The following ADARB2 variants were observed in gnomAD, a reference collection of about 807,000 sequenced individuals.
ADARB2 encodes adenosine deaminase RNA specific B2 (inactive), also known as inactive double-stranded RNA-specific editase B2.
ADARB2 carries 25 observed loss-of-function variants against 62.2 expected under a neutral mutation model. That is an observed-to-expected ratio of 0.40 (90% confidence interval 0.29 to 0.56). The LOEUF (loss-of-function observed/expected upper bound fraction) is 0.56. ADARB2 is among the 20% of genes least tolerant of loss of function. The pLI, the probability that ADARB2 is intolerant of heterozygous loss-of-function variation, is 0.43. For missense variants in ADARB2, 1,071 were observed against 1,077.4 expected, an observed-to-expected ratio of 0.99 and a Z score of 0.08; for synonymous variants, 572 against 500.8, an observed-to-expected ratio of 1.14 and a Z score of -1.90.
At chr10:1,235,033 C>G (rs1255695594) in intron 5 of ADARB2, among the ~76,000 whole-genome samples, 1 of 152,168 alleles carries the variant, frequency 6.6e-6, no homozygotes, top group Non-Finnish European at 1.5e-5. Flanking sequence ...AGGCGAGAGC[C>G]ACCACACTGG....
At chr10:1,263,286 GTAA>G (rs1313582617) in intron 4 of ADARB2, among the ~76,000 whole-genome samples, 4 of 152,050 alleles carry the variant, frequency 2.6e-5, no homozygotes, top group African/African-American at 4.8e-5. Context: ...TATAATAATA[GTAA>G]TAATAAAGAA....
chr10:1,692,804 T>G (rs1235924438), intron 1 of ADARB2, among the ~76,000 whole-genome samples: 1 of 152,178 alleles, frequency 6.6e-6, no homozygotes, highest in Non-Finnish European at 1.5e-5. Context: ...GGTCAAAATA[T>G]GTGCTAAGGT....
intron 1 of ADARB2, among the ~76,000 whole-genome samples, chr10:1,594,634 G>T (rs1340568252): frequency 6.6e-6 from 1 of 152,190 alleles, no homozygotes; most frequent in East Asian, 1.9e-4. Flanking sequence ...TTAGCACTGA[G>T]AGAAACGCCC....
In ADARB2 at chr10:1,242,136, G is replaced by A; in HGVS notation, c.1356C>T (p.His452=). The A allele has an allele frequency of 2.5e-6, 4 of 1,605,846 alleles. No individual in the cohort carries two copies. Among genetic ancestry groups the A allele is most frequent in the Non-Finnish European group, 3.4e-6 (4 of 1,178,332 alleles). ...LHFLYTQLEL[H]LSKRREDSER... ...GCCCGTCCCCAGCCGCTCACCTCAGGTGCAGCTCCAGCTGCGTGTAGAGGA... is the reference window on the plus strand; with the variant it reads ...GCCCGTCCCCAGCCGCTCACCTCAGATGCAGCTCCAGCTGCGTGTAGAGGA... Residue 452 remains histidine, a synonymous_variant, in exon 5 of 10, where the codon CAC becomes CAT. Coordinates refer to ENST00000381312, the MANE Select transcript of ADARB2 (RefSeq NM_018702.4).
rs1009341761 is a variant in ADARB2, at chr10:1,214,176, C to T, written c.1682+2775G>A. On this transcript the variant is annotated intron_variant, in intron 7 of 9. Transcript: ENST00000381312. ...CGTAGTGTAGGTTTGCACCTGTGCC[C>T]GGACCTGCTGGCGTTGCATGGGTTT... Among the ~76,000 whole-genome samples the T allele has an allele frequency of 3.3e-3, 278 of 84,684 alleles. 3 individuals carry two copies. The highest frequency in any genetic ancestry group is 0.011 in the African/African-American group (228 of 19,856). The allele number at this position is 84,684 out of a possible 152,430, so 55.6% of individuals were successfully genotyped here.
intron 1 of ADARB2, among the ~76,000 whole-genome samples, chr10:1,469,992 G>A (rs774519607): frequency 2.0e-5 from 3 of 152,024 alleles, no homozygotes; most frequent in South Asian, 2.1e-4. Context: ...TGAGGCCGGC[G>A]TGCCTGGGAG....
At chr10:1,632,987 A>G (rs1833861629) in intron 1 of ADARB2, among the ~76,000 whole-genome samples, 1 of 152,182 alleles carries the variant, frequency 6.6e-6, no homozygotes, top group South Asian at 2.1e-4. Context: ...CAGAGGGCCA[A>G]ATGGAATGGA....
chr10:1,227,595 TG>T (rs1395659715), intron 6 of ADARB2, among the ~76,000 whole-genome samples: 2 of 152,164 alleles, frequency 1.3e-5, no homozygotes, highest in Non-Finnish European at 2.9e-5. Flanking sequence ...TTTAGAAAAT[TG>T]TTCAAGTGAA....
chr10:1,265,524 T>TC (rs1487052203), intron 4 of ADARB2, among the ~76,000 whole-genome samples: 1 of 152,030 alleles, frequency 6.6e-6, no homozygotes, highest in African/African-American at 2.4e-5. Context: ...ACCCATGCCC[T>TC]CCCAGAAGAC....
intron 1 of ADARB2, among the ~76,000 whole-genome samples, chr10:1,649,130 C>A (rs1260657162): frequency 6.6e-6 from 1 of 152,204 alleles, no homozygotes; most frequent in Non-Finnish European, 1.5e-5. Context: ...GCAAACTCAA[C>A]ACATTCATGC....
chr10:1,729,608 T>C (rs779001898), intron 1 of ADARB2, among the ~76,000 whole-genome samples: 37 of 152,372 alleles, frequency 2.4e-4, no homozygotes, highest in African/African-American at 8.7e-4. Context: ...ATTTTTATAC[T>C]TCCGGTGGAC....
chr10:1,187,929 C>G (rs189774892), intron 8 of ADARB2: 3 of 331,070 alleles, frequency 9.1e-6, no homozygotes, highest in Admixed American at 3.0e-5. Context: ...CCTGTGATGA[C>G]GTAAATCACA....
chr10:1,409,963 C>T (rs1832744798), intron 1 of ADARB2, among the ~76,000 whole-genome samples: 1 of 29,712 alleles, frequency 3.4e-5, no homozygotes, highest in African/African-American at 8.9e-5. Flanking sequence ...CGAGGCCTGG[C>T]TGTGGTCATA....
At chr10:1,362,166 C>T (rs1432354339) in intron 3 of ADARB2, among the ~76,000 whole-genome samples, 1 of 152,198 alleles carries the variant, frequency 6.6e-6, no homozygotes, top group African/African-American at 2.4e-5. Flanking sequence ...AATACTTCAG[C>T]GATGACAGGA....
intron 7 of ADARB2, among the ~76,000 whole-genome samples, chr10:1,213,739 C>T (rs948912180): frequency 6.6e-6 from 1 of 152,216 alleles, no homozygotes; most frequent in African/African-American, 2.4e-5. Flanking sequence ...ACTGAAAGCC[C>T]CTGGCCAGGA....
At chr10:1,186,648 G>A (rs965894520) in intron 8 of ADARB2, 32 of 487,576 alleles carry the variant, frequency 6.6e-5, no homozygotes, top group Non-Finnish European at 1.1e-4. Context: ...CTGAGTTCTC[G>A]GGGGCCCGTC....
chr10:1,325,540 G>A (rs2805561), intron 3 of ADARB2, among the ~76,000 whole-genome samples: 63,525 of 152,058 alleles, frequency 0.42, 14,619 homozygotes, highest in African/African-American at 0.62. Flanking sequence ...GGAATTGGAA[G>A]CTGACTTCCT....
At chr10:1,547,151 A>G (rs1317956125) in intron 1 of ADARB2, among the ~76,000 whole-genome samples, 1 of 152,134 alleles carries the variant, frequency 6.6e-6, no homozygotes, top group East Asian at 1.9e-4. Flanking sequence ...AGGTGACATC[A>G]TTACCTTTGG....
intron 3 of ADARB2, among the ~76,000 whole-genome samples, chr10:1,343,825 C>T (rs1321966193): frequency 6.6e-6 from 1 of 152,110 alleles, no homozygotes. Context: ...AAACACTGGG[C>T]ACCTATGGCC....
Sources: allele counts gnomAD v4.1 joint callset (sites outside exome capture counted in the v4.1 genomes callset), GRCh38; gene constraint gnomAD v4.1.1; transcripts MANE v1.5; gene names NCBI Gene and HGNC (gene_info 2026-07-23, HGNC 2026-07-21).